The following ZNF385D variants were observed in gnomAD, a reference collection of about 807,000 sequenced individuals.
The protein encoded by ZNF385D is zinc finger protein 659.
ZNF385D carries 15 observed loss-of-function variants against 35.8 expected under a neutral mutation model. That is an observed-to-expected ratio of 0.42 (90% CI 0.28 to 0.64). ZNF385D has a LOEUF of 0.64. Among genes scored for constraint, ZNF385D ranks in the 30% least tolerant of loss-of-function variants. ZNF385D has a pLI of 0.23. For synonymous variants in ZNF385D, 212 were observed against 186.8 expected, an observed-to-expected ratio of 1.13 and a Z score of -1.10; for missense variants, 474 against 494.6, an observed-to-expected ratio of 0.96 and a Z score of 0.39.
intron 3 of ZNF385D, among the ~76,000 whole-genome samples, chr3:21,981,871 A>G (rs1447566863): frequency 6.6e-6 from 1 of 151,998 alleles, no homozygotes; most frequent in Non-Finnish European, 1.5e-5. Flanking sequence ...TCAGATGTTC[A>G]TAGATATGTG....
At chr3:21,429,274 T>A in intron 5 of ZNF385D, among the ~76,000 whole-genome samples, 1 of 152,230 alleles carries the variant, frequency 6.6e-6, no homozygotes. Context: ...ATAGTTATCA[T>A]GTACCAGTCT....
chr3:21,545,264 C>G (rs1575143839), intron 3 of ZNF385D, among the ~76,000 whole-genome samples: 1 of 152,102 alleles, frequency 6.6e-6, no homozygotes, highest in Non-Finnish European at 1.5e-5. Context: ...CAAATACAGA[C>G]TTGTGATAAC....
intron 2 of ZNF385D, among the ~76,000 whole-genome samples, chr3:22,345,315 A>G (rs909347474): frequency 4.6e-5 from 7 of 152,176 alleles, no homozygotes; most frequent in Non-Finnish European, 1.0e-4. Flanking sequence ...ACCATACTCA[A>G]TATCTTTGTT....
intron 4 of ZNF385D, among the ~76,000 whole-genome samples, chr3:21,486,088 A>G (rs1370701135): frequency 1.4e-5 from 2 of 138,446 alleles, no homozygotes. Context: ...GATGATTTTT[A>G]TAGCTGCCAA....
rs544453947 is a variant in ZNF385D at position 22,259,762 on chromosome 3, T to C, written c.107-90727A>G. 3.4e-4 allele frequency among the ~76,000 whole-genome samples: 52 copies of C among 152,098 alleles called. 1 individual carries two copies. The South Asian group carries it at 1.0e-2, about 29-fold the overall frequency. On this transcript the variant is annotated intron_variant, in intron 2 of 5. Transcript: ENST00000494108. ...TATATAGTTGGTACCACTGCCTTGC[T>C]TTGTACTAAGGCACCAGAAATTTTA...
At chr3:22,102,192 G>A (rs75949985) in intron 3 of ZNF385D, among the ~76,000 whole-genome samples, 2,555 of 151,996 alleles carry the variant, frequency 0.017, 70 homozygotes, top group African/African-American at 0.058. Flanking sequence ...CTGTGTGATG[G>A]AGGGCTTGGA....
intron 3 of ZNF385D, among the ~76,000 whole-genome samples, chr3:22,083,165 CTCT>C (rs1483663741): frequency 2.6e-5 from 4 of 152,204 alleles, no homozygotes; most frequent in African/African-American, 7.2e-5. Context: ...ACCAAAGCGC[CTCT>C]TCTTCTACTC....
intron 3 of ZNF385D, among the ~76,000 whole-genome samples, chr3:21,535,021 C>T (rs2125544046): frequency 6.6e-6 from 1 of 152,160 alleles, no homozygotes; most frequent in South Asian, 2.1e-4. Flanking sequence ...TAACTATAGG[C>T]TAAATCATCT....
At chr3:21,772,706 T>C (rs1266641943) in intron 3 of ZNF385D, among the ~76,000 whole-genome samples, 2 of 151,920 alleles carry the variant, frequency 1.3e-5, no homozygotes, top group East Asian at 1.9e-4. Context: ...TCACTTTCAA[T>C]TCAGTTTCTA....
chr3:22,300,784 G>A (rs1294284572), intron 2 of ZNF385D, among the ~76,000 whole-genome samples: 1 of 151,776 alleles, frequency 6.6e-6, no homozygotes, highest in Non-Finnish European at 1.5e-5. Flanking sequence ...AAAGACAAAA[G>A]ATAAAAGTTG....
rs5847124 is a variant in ZNF385D, at chr3:21,681,698, GA to G, written c.23-16671del. 6.1e-4 allele frequency among the ~76,000 whole-genome samples: 81 copies of G among 133,222 alleles called. 1 individual carries two copies. Among genetic ancestry groups the G allele is most frequent in the African/African-American group, 1.8e-3 (62 of 35,324 alleles). The allele number at this position is 133,222 out of a possible 152,430, so 87.4% of individuals were successfully genotyped here. A position where few individuals can be genotyped will look rare whatever the true frequency, so the allele number is the denominator to read the frequency against. ...CAGACTAAGAATGATAAAAAAAAAC[GA>G]AAAAAAAAAAACAAACAAAAAAGGA... On this transcript the variant is annotated intron_variant, in intron 1 of 7. Coordinates refer to ENST00000281523, the MANE Select transcript of ZNF385D (RefSeq NM_024697.3).
intron 3 of ZNF385D, among the ~76,000 whole-genome samples, chr3:22,035,575 G>A (rs1303327347): frequency 6.6e-6 from 1 of 152,112 alleles, no homozygotes; most frequent in African/African-American, 2.4e-5. Context: ...TTAAGTAATT[G>A]TCTTTGATGA....
At chr3:22,265,915 T>C (rs1700874449) in intron 2 of ZNF385D, among the ~76,000 whole-genome samples, 1 of 151,976 alleles carries the variant, frequency 6.6e-6, no homozygotes, top group South Asian at 2.1e-4. Flanking sequence ...AATTAAGTTA[T>C]GATCTGAACC....
chr3:21,569,766 G>A (rs1396798002), intron 2 of ZNF385D, among the ~76,000 whole-genome samples: 5 of 151,598 alleles, frequency 3.3e-5, no homozygotes, highest in Non-Finnish European at 7.4e-5. Flanking sequence ...TAGGGACATG[G>A]ATGAAATTGG....
chr3:22,046,959 G>C (rs1211625013), intron 3 of ZNF385D, among the ~76,000 whole-genome samples: 2 of 152,058 alleles, frequency 1.3e-5, no homozygotes, highest in African/African-American at 2.4e-5. Context: ...GTCCAGATTA[G>C]ATTATATCTA....
intron 2 of ZNF385D, among the ~76,000 whole-genome samples, chr3:22,205,619 G>A (rs1424391548): frequency 1.3e-5 from 2 of 151,900 alleles, no homozygotes; most frequent in African/African-American, 2.4e-5. Context: ...GCTAAAATGT[G>A]GAGTCTTCAT....
intron 3 of ZNF385D, among the ~76,000 whole-genome samples, chr3:22,168,313 A>G (rs540980220): frequency 1.3e-5 from 2 of 152,196 alleles, no homozygotes; most frequent in Non-Finnish European, 2.9e-5. Flanking sequence ...AAAGTAGTCT[A>G]AAGTTATTAA....
chr3:21,526,495 T>C (rs1708232264), intron 3 of ZNF385D, among the ~76,000 whole-genome samples: 1 of 152,156 alleles, frequency 6.6e-6, no homozygotes, highest in Non-Finnish European at 1.5e-5. Flanking sequence ...ATATACATTA[T>C]TGCAAAAGTG....
intron 4 of ZNF385D, among the ~76,000 whole-genome samples, chr3:21,507,895 T>TC (rs1706898905): frequency 6.6e-6 from 1 of 152,178 alleles, no homozygotes; most frequent in Non-Finnish European, 1.5e-5. Context: ...GAAATGGGTG[T>TC]CTTTTCTCAT....
Sources: gnomAD v4.1 joint callset for allele counts (sites outside exome capture counted in the v4.1 genomes callset) on GRCh38, gnomAD v4.1.1 for gene constraint, MANE v1.5 for transcripts, NCBI Gene and HGNC (gene_info 2026-07-23, HGNC 2026-07-21) for gene names.